Variants in HCN3 observed in about 807,000 individuals in gnomAD.
HCN3 encodes the protein hyperpolarization activated cyclic nucleotide gated potassium channel 3.
HCN3 carries 36 observed loss-of-function variants against 56.8 expected under a neutral mutation model. That is an observed-to-expected ratio of 0.63 (90% CI 0.49 to 0.84). HCN3 has a LOEUF of 0.84. Ranked by LOEUF, HCN3 falls within the 40% of genes least tolerant of loss-of-function variation. The pLI is 0.00. For synonymous variants in HCN3, 425 were observed against 439.7 expected (o/e 0.97, Z 0.42); for missense variants, 930 against 1,079.3 (o/e 0.86, Z 1.94).
rs776411741 is a variant in HCN3, at chr1:155,285,924, C to T, written c.1437C>T (p.Gly479=). 53 of 1,605,000 alleles carry T rather than the reference C, an allele frequency of 3.3e-5. No homozygotes were observed. Among genetic ancestry groups the T allele is most frequent in the African/African-American group, 6.7e-5 (5 of 74,786 alleles). The change falls in exon 6 of 8, where the codon GGC becomes GGT. Residue 479 remains glycine (G), a synonymous_variant. Coordinates refer to ENST00000368358, the MANE Select transcript of HCN3 (RefSeq NM_020897.3). The surrounding 1 kb of genome is among the most constrained non-coding windows in gnomAD (Gnocchi z 4.5). ...QHGLLSVLAR[G]ARDTRLTDGS... is the part of the protein sequence containing the mutation. ...GGCTGCTCAGTGTGCTGGCCCGCGG[C>T]GCCCGGGACACACGCCTCACCGATG... is the stretch of plus-strand genomic sequence containing the variant.
In HCN3 at chr1:155,286,060, A is replaced by ATC. The variant is rs199932923; in HGVS notation, c.1477+96_1477+97insTC. The ATC allele has an allele frequency of 2.3e-3, 3,369 of 1,471,148 alleles. 59 individuals carry two copies. In the African/African-American group the frequency reaches 0.041, roughly 18 times the overall value. 91.1% of individuals were successfully genotyped at this position (1,471,148 alleles called of 1,614,324 possible). On this transcript the variant is annotated intron_variant, in intron 6 of 7. Coordinates refer to ENST00000368358, the MANE Select transcript of HCN3 (RefSeq NM_020897.3). Reference sequence around the variant, plus strand: ...GGGTCCCTGCCTCAGTACGCTGCAGAATCACAGAGCTCCAGCCCCTCCCCA... The same window carrying ATC: ...GGGTCCCTGCCTCAGTACGCTGCAGATCATCACAGAGCTCCAGCCCCTCCCCA...
In HCN3 at chr1:155,283,396, ATAT is replaced by A. The variant is rs552776912; in HGVS notation, c.709-561_709-559del. On this transcript the variant is annotated intron_variant, in intron 2 of 7. Transcript: ENST00000368358. ...AAGTTCTCAGTGAAGCCACTATTATATATTATTATTATTATTATTTTTATTATA... is the reference window on the plus strand; with the variant it reads ...AAGTTCTCAGTGAAGCCACTATTATATATTATTATTATTATTTTTATTATA... Among the ~76,000 whole-genome samples the A allele has an allele frequency of 3.3e-4, 50 of 151,618 alleles. No individual in the cohort carries two copies. The East Asian group carries it at 5.2e-3, about 16-fold the overall frequency.
chr1:155,288,500 C>T lies in HCN3; in HGVS notation c.*37C>T. 1.9e-6 allele frequency: 3 copies of T among 1,545,690 alleles called. No homozygotes were observed. The highest frequency in any genetic ancestry group is 2.6e-6 in the Non-Finnish European group (3 of 1,148,292). On this transcript the variant is annotated 3_prime_UTR_variant, in exon 8 of 8. Coordinates refer to ENST00000368358, the MANE Select transcript of HCN3 (RefSeq NM_020897.3). The surrounding 1 kb of genome is among the most constrained non-coding windows in gnomAD (Gnocchi z 6.5). ...ACATCCAGCCTTAGTTCTTGGGGTG[C>T]AGTAGTATGTACCCAAGGGCAGATG...
Position 155,284,643 on chromosome 1 carries a change from C to G in HCN3, c.975C>G (p.Val325=). ...AGGCACCTGTAGGCATGCCCGACGTCTGGCTCACCATGCTCAGCATGATCG... is the reference window on the plus strand; with the variant it reads ...AGGCACCTGTAGGCATGCCCGACGTGTGGCTCACCATGCTCAGCATGATCG... ...GQQAPVGMPD[V]WLTMLSMIVG... Residue 325 remains valine (V), a synonymous_variant, in exon 4 of 8, where the codon GTC becomes GTG. Coordinates refer to ENST00000368358, the MANE Select transcript of HCN3 (RefSeq NM_020897.3). This position sits in a 1 kb window ranked among gnomAD's most constrained non-coding sequence, Gnocchi z 4.3. 1.9e-6 allele frequency: 3 copies of G among 1,614,254 alleles called. No individual in the cohort carries two copies. Among genetic ancestry groups the G allele is most frequent in the Non-Finnish European group, 2.5e-6 (3 of 1,180,060 alleles).
At chr1:155,280,109 G>A (rs898692133) in intron 1 of HCN3, among the ~76,000 whole-genome samples, 7 of 151,670 alleles carry the variant, frequency 4.6e-5, no homozygotes, top group African/African-American at 1.5e-4. Flanking sequence ...ACCACGCCTG[G>A]CTAATTTTTG....
intron 1 of HCN3, among the ~76,000 whole-genome samples, chr1:155,281,892 A>AT (rs1031133203): frequency 9.2e-5 from 14 of 151,440 alleles, no homozygotes; most frequent in Non-Finnish European, 1.8e-4. Context: ...GGCCTGGCTA[A>AT]TTTTTTTTAT....
Position 155,285,760 on chromosome 1 carries a change from C to A in HCN3, c.1273C>A (p.His425Asn). Residue 425 changes from histidine to asparagine, a missense_variant, in exon 6 of 8, where the codon CAC becomes AAC. Physicochemically the swap from His to Asn is moderately conservative, Grantham distance 68. Coordinates refer to ENST00000368358, the MANE Select transcript of HCN3 (RefSeq NM_020897.3). This position sits in a 1 kb window ranked among gnomAD's most constrained non-coding sequence, Gnocchi z 4.5. ...INFTCRGLVA[H>N]MPLFAHADPS... The stretch of plus-strand genomic sequence containing the variant: ...CTTCACCTGTCGGGGCCTGGTGGCC[C>A]ACATGCCGCTGTTTGCCCATGCCGA... 6.2e-7 allele frequency: 1 copy of A among 1,614,160 alleles called. No individual in the cohort carries two copies. Among genetic ancestry groups the A allele is most frequent in the Non-Finnish European group, 8.5e-7 (1 of 1,180,006 alleles).
At chr1:155,283,338 G>A (rs572539446) in intron 2 of HCN3, among the ~76,000 whole-genome samples, 1 of 152,212 alleles carries the variant, frequency 6.6e-6, no homozygotes, top group Non-Finnish European at 1.5e-5. Flanking sequence ...ATTAATACAT[G>A]CAAATCACTT....
Position 155,285,133 on chromosome 1 carries a change from C to T in HCN3, c.1090-32C>T, listed in dbSNP as rs1324107352. 2.5e-6 allele frequency: 4 copies of T among 1,608,496 alleles called. No homozygotes were observed. In the African/African-American group the frequency reaches 4.0e-5, roughly 16 times the overall value. On this transcript the variant is annotated intron_variant, in intron 4 of 7. Coordinates refer to ENST00000368358, the MANE Select transcript of HCN3 (RefSeq NM_020897.3). This position sits in a 1 kb window ranked among gnomAD's most constrained non-coding sequence, Gnocchi z 4.5. ...CCGGCCCCAAATCTCTCCCTCTGTCCTCTTGCCCCTGGCAATGGGCTGGCC... is the reference window on the plus strand; with the variant it reads ...CCGGCCCCAAATCTCTCCCTCTGTCTTCTTGCCCCTGGCAATGGGCTGGCC...
intron 1 of HCN3, among the ~76,000 whole-genome samples, chr1:155,279,842 T>A (rs907286494): frequency 6.6e-6 from 1 of 152,246 alleles, no homozygotes; most frequent in African/African-American, 2.4e-5. Flanking sequence ...TTTAGCTTTT[T>A]TTTTTAACCT....
Position 155,282,568 on chromosome 1 carries a change from C to T in HCN3, c.436C>T (p.Arg146Ter). 6.2e-7 allele frequency: 1 copy of T among 1,614,236 alleles called. No homozygotes were observed. The highest frequency in any genetic ancestry group is 8.5e-7 in the Non-Finnish European group (1 of 1,180,046). ...FFLLDLVLNF[R>*]TGIVVEEGAE... ...CCTACTGGATCTGGTGCTCAACTTC[C>T]GAACGGGCATCGTGGTGGAGGAGGG... Residue 146 changes from arginine to a stop codon, truncating the protein, a stop_gained, in exon 2 of 8, where the codon CGA becomes TGA. Transcript: ENST00000368358. LOFTEE classifies it high-confidence loss of function. The surrounding 1 kb of genome is among the most constrained non-coding windows in gnomAD (Gnocchi z 4.7).
Position 155,284,895 on chromosome 1 carries a change from C to A in HCN3, c.1089+138C>A. On this transcript the variant is annotated intron_variant, in intron 4 of 7. Transcript: ENST00000368358. This position sits in a 1 kb window ranked among gnomAD's most constrained non-coding sequence, Gnocchi z 4.3. ...GCCCTGTGTCCATTTGTTCCCTGCCCCTGCATGTACCTTTTCCTTGTTTGA... is the reference window on the plus strand; with the variant it reads ...GCCCTGTGTCCATTTGTTCCCTGCCACTGCATGTACCTTTTCCTTGTTTGA... The A allele has an allele frequency of 1.2e-6, 1 of 869,458 alleles. No individual in the cohort carries two copies. Among genetic ancestry groups the A allele is most frequent in the South Asian group, 1.7e-5 (1 of 57,856 alleles). The allele number at this position is 869,458 out of a possible 1,614,324, so 53.9% of individuals were successfully genotyped here.
rs769786225 is a variant in HCN3, at chr1:155,282,465, G to A, written c.333G>A (p.Leu111=). ...TGATGGTGGGGAACCTCATCGTCCTGCCTGTGGGCATCACCTTCTTCAAGG... is the reference window on the plus strand; with the variant it reads ...TGATGGTGGGGAACCTCATCGTCCTACCTGTGGGCATCACCTTCTTCAAGG... The part of the protein sequence containing the change: ...LLLMVGNLIV[L]PVGITFFKEE... Residue 111 remains leucine, a synonymous_variant, in exon 2 of 8, where the codon CTG becomes CTA. Coordinates refer to ENST00000368358, the MANE Select transcript of HCN3 (RefSeq NM_020897.3). This position sits in a 1 kb window ranked among gnomAD's most constrained non-coding sequence, Gnocchi z 4.7. 1 of 1,614,198 alleles carries A rather than the reference G, an allele frequency of 6.2e-7. No individual in the cohort carries two copies. Among genetic ancestry groups the A allele is most frequent in the South Asian group, 1.1e-5 (1 of 91,086 alleles).
chr1:155,281,779 C>G (rs1396287344), intron 1 of HCN3, among the ~76,000 whole-genome samples: 8 of 151,990 alleles, frequency 5.3e-5, no homozygotes, highest in Non-Finnish European at 1.0e-4. Context: ...GGATTACAGG[C>G]GTGAGCCATA....
At position 155,285,632 on chromosome 1, in the gene HCN3, C is replaced by A; in HGVS notation, c.1237-92C>A. The A allele has an allele frequency of 6.5e-7, 1 of 1,539,580 alleles. No homozygotes were observed. On this transcript the variant is annotated intron_variant, in intron 5 of 7. Coordinates refer to ENST00000368358, the MANE Select transcript of HCN3 (RefSeq NM_020897.3). The surrounding 1 kb of genome is among the most constrained non-coding windows in gnomAD (Gnocchi z 4.5). ...TCCCCATCCTTTGGCAGAACATGAC[C>A]CCAGGGGTGGGGTTTCTGGAAGCGG...
Position 155,284,833 on chromosome 1 carries a change from T to C in HCN3, c.1089+76T>C, listed in dbSNP as rs1489769533. ...GGGTAGCCTGACTTGAGGCCCATTC[T>C]GATGTGTGCCCCTGTTGCGTCTCTG... On this transcript the variant is annotated intron_variant, in intron 4 of 7. Transcript: ENST00000368358. The surrounding 1 kb of genome is among the most constrained non-coding windows in gnomAD (Gnocchi z 4.3). 3.9e-6 allele frequency: 5 copies of C among 1,286,124 alleles called. No individual in the cohort carries two copies. In the Admixed American group the frequency reaches 1.0e-4, roughly 27 times the overall value. 79.7% of individuals were successfully genotyped at this position (1,286,124 alleles called of 1,614,324 possible). A position where few individuals can be genotyped will look rare whatever the true frequency, so the allele number is the denominator to read the frequency against.
chr1:155,285,307 G>T lies in HCN3; in HGVS notation c.1232G>T (p.Arg411Leu), dbSNP rs112470069. Residue 411 changes from arginine to leucine, a missense_variant, in exon 5 of 8, where the codon CGC becomes CTC. Transcript: ENST00000368358. The surrounding 1 kb of genome is among the most constrained non-coding windows in gnomAD (Gnocchi z 4.5). The part of the protein sequence containing the change: ...SILGELSEPL[R>L]EEIINFTCRG... The stretch of plus-strand genomic sequence containing the variant: ...CTGGGCGAGCTGAGCGAGCCGCTTC[G>T]CGAGGTGGGGCTGGGTTGGGCCTGG... 11 of 1,613,914 alleles carry T rather than the reference G, an allele frequency of 6.8e-6. No individual in the cohort carries two copies. The Admixed American group carries it at 1.3e-4, about 20-fold the overall frequency.
Position 155,287,244 on chromosome 1 carries a change from C to T in HCN3, c.1549C>T (p.Leu517Phe), listed in dbSNP as rs1240352865. Reference sequence around the variant, plus strand: ...TGACACCTACTGCCGCCTTTACTCACTCAGCGTGGACCATTTCAATGCTGT... The same window carrying T: ...TGACACCTACTGCCGCCTTTACTCATTCAGCGTGGACCATTTCAATGCTGT... ...RADTYCRLYSLSVDHFNAVLE... is the reference protein window; with the variant it reads ...RADTYCRLYSFSVDHFNAVLE... The change falls in exon 7 of 8, where the codon CTC becomes TTC. Residue 517 changes from leucine (L) to phenylalanine (F), a missense_variant. Physicochemically the swap from Leu to Phe is conservative, Grantham distance 22. Transcript: ENST00000368358. 1 of 1,614,080 alleles carries T rather than the reference C, an allele frequency of 6.2e-7. No individual in the cohort carries two copies. The highest frequency in any genetic ancestry group is 1.7e-5 in the Admixed American group (1 of 60,020).
At position 155,288,431 on chromosome 1, in the gene HCN3, C is replaced by G; in HGVS notation, c.2293C>G (p.Pro765Ala). The G allele has an allele frequency of 6.2e-7, 1 of 1,606,548 alleles. No individual in the cohort carries two copies. Residue 765 changes from proline to alanine, a missense_variant, in exon 8 of 8, where the codon CCC becomes GCC. Physicochemically the swap from Pro to Ala is conservative, Grantham distance 27. Transcript: ENST00000368358. This position sits in a 1 kb window ranked among gnomAD's most constrained non-coding sequence, Gnocchi z 6.5. The part of the protein sequence containing the change: ...PRPPVPEPAT[P>A]RGLQLSANM Reference sequence around the variant, plus strand: ...GCCACCAGTGCCTGAGCCAGCCACACCCCGGGGTCTCCAGCTTTCTGCCAA... The same window carrying G: ...GCCACCAGTGCCTGAGCCAGCCACAGCCCGGGGTCTCCAGCTTTCTGCCAA...
Sources: gnomAD v4.1 joint callset for allele counts (sites outside exome capture counted in the v4.1 genomes callset) on GRCh38, gnomAD v4.1.1 for gene constraint, Gnocchi (gnomAD v3.1) non-coding constraint, MANE v1.5 for transcripts, NCBI Gene and HGNC (gene_info 2026-07-23, HGNC 2026-07-21) for gene names.